The following IFNLR1 variants were observed in gnomAD, a reference collection of about 807,000 sequenced individuals.
IFNLR1 encodes CRF2-12.
IFNLR1 carries 28 observed loss-of-function variants against 52.5 expected under a neutral mutation model. The ratio of observed to expected loss-of-function variants is 0.53; its 90% CI spans 0.40 to 0.73. The LOEUF (loss-of-function observed/expected upper bound fraction) is 0.73, where lower values mean the gene tolerates loss of function less well. IFNLR1 is among the 30% of genes least tolerant of loss of function. IFNLR1 has a pLI of 0.00. For synonymous variants in IFNLR1, 276 were observed against 274.9 expected, an observed-to-expected ratio of 1.00 and a Z score of -0.04; for missense variants, 623 against 659.1, an observed-to-expected ratio of 0.95 and a Z score of 0.60.
chr1:24,183,355 T>C (rs72650423), intron 1 of IFNLR1, among the ~76,000 whole-genome samples: 9,844 of 152,036 alleles, frequency 0.065, 453 homozygotes, highest in Non-Finnish European at 0.095. Flanking sequence ...CCCAGCACTT[T>C]GGGACATCGA....
At chr1:24,168,195 A>C (rs1644539003) in intron 3 of IFNLR1, among the ~76,000 whole-genome samples, 1 of 148,876 alleles carries the variant, frequency 6.7e-6, no homozygotes, top group Admixed American at 6.7e-5. Context: ...CTTTCTTCTT[A>C]CCCATCTGTC....
At chr1:24,185,109 C>A (rs1440553399) in intron 1 of IFNLR1, among the ~76,000 whole-genome samples, 5 of 152,124 alleles carry the variant, frequency 3.3e-5, no homozygotes, top group African/African-American at 4.8e-5. Context: ...AGTTTACCTG[C>A]ACTTTCTCTT....
chr1:24,183,363 C>A (rs564645914), intron 1 of IFNLR1, among the ~76,000 whole-genome samples: 4 of 151,628 alleles, frequency 2.6e-5, no homozygotes, highest in African/African-American at 4.8e-5. Context: ...TTTGGGACAT[C>A]GAGGCAGGAG....
chr1:24,161,154 G>A (rs1173941535), intron 4 of IFNLR1, among the ~76,000 whole-genome samples: 2 of 152,112 alleles, frequency 1.3e-5, no homozygotes, highest in Admixed American at 1.3e-4. Context: ...CAAACATATC[G>A]ACTATCTGGC....
At chr1:24,173,956 CT>C (rs1280620506) in intron 2 of IFNLR1, among the ~76,000 whole-genome samples, 2 of 152,122 alleles carry the variant, frequency 1.3e-5, no homozygotes, top group Non-Finnish European at 2.9e-5. Context: ...CATAATAGCC[CT>C]ATTATGGACG....
intron 2 of IFNLR1, among the ~76,000 whole-genome samples, chr1:24,177,163 C>G (rs919433680): frequency 2.0e-5 from 3 of 152,000 alleles, no homozygotes; most frequent in Non-Finnish European, 4.4e-5. Flanking sequence ...AAGCAACAAC[C>G]CTTTATTAGT....
intron 3 of IFNLR1, among the ~76,000 whole-genome samples, chr1:24,163,704 C>T (rs568935541): frequency 6.6e-6 from 1 of 152,112 alleles, no homozygotes; most frequent in Non-Finnish European, 1.5e-5. Context: ...CTCAGCCTCC[C>T]GAGTAGCTGG....
chr1:24,176,727 GTAGA>G (rs1358680720), intron 2 of IFNLR1, among the ~76,000 whole-genome samples: 1 of 152,222 alleles, frequency 6.6e-6, no homozygotes, highest in Non-Finnish European at 1.5e-5. Context: ...GAGCAGAATA[GTAGA>G]TAGATAGACA....
chr1:24,179,398 T>C (rs1442453170), intron 2 of IFNLR1, among the ~76,000 whole-genome samples: 1 of 152,190 alleles, frequency 6.6e-6, no homozygotes, highest in East Asian at 1.9e-4. Flanking sequence ...AGAGCTGCTG[T>C]GAGATTAAGT....
At position 24,165,892 on chromosome 1, in the gene IFNLR1, C is replaced by T. The variant is rs543611977; in HGVS notation, c.367+3525G>A. 5.3e-5 allele frequency among the ~76,000 whole-genome samples: 8 copies of T among 152,144 alleles called. 1 individual carries two copies. In the South Asian group the frequency reaches 1.7e-3, roughly 32 times the overall value. On this transcript the variant is annotated intron_variant, in intron 3 of 6. Coordinates refer to ENST00000327535, the MANE Select transcript of IFNLR1 (RefSeq NM_170743.4). ...GAAAGTTTGGGGTAAATGAAATATGCAAACTACCAAAAGAAAGTGACCACG... is the reference window on the plus strand; with the variant it reads ...GAAAGTTTGGGGTAAATGAAATATGTAAACTACCAAAAGAAAGTGACCACG...
At chr1:24,164,807 G>A (rs530084311) in intron 3 of IFNLR1, among the ~76,000 whole-genome samples, 153 of 148,352 alleles carry the variant, frequency 1.0e-3, no homozygotes, top group Non-Finnish European at 1.8e-3. Flanking sequence ...CACCCACCCA[G>A]GCTGGAGTGC....
At chr1:24,186,301 C>T (rs969501165) in intron 1 of IFNLR1, among the ~76,000 whole-genome samples, 3 of 152,142 alleles carry the variant, frequency 2.0e-5, no homozygotes, top group East Asian at 3.9e-4. Flanking sequence ...CTTCTGTGTG[C>T]CTCACCTCTG....
chr1:24,173,883 C>T (rs1644606505), intron 2 of IFNLR1, among the ~76,000 whole-genome samples: 4 of 152,164 alleles, frequency 2.6e-5, no homozygotes, highest in African/African-American at 9.6e-5. Flanking sequence ...AGATCTTTAT[C>T]TAAGAGAAAT....
chr1:24,159,319 G>A, intron 5 of IFNLR1, 137 bp from the exon 6 acceptor site: 1 of 1,314,822 alleles, frequency 7.6e-7, no homozygotes, highest in Non-Finnish European at 1.1e-6. Context: ...TGCAAACCAA[G>A]GTTTGGGGCA....
chr1:24,187,206 G>A lies in IFNLR1; in HGVS notation c.43C>T (p.Leu15=). 7.5e-7 allele frequency: 1 copy of A among 1,331,162 alleles called. No homozygotes were observed. Among genetic ancestry groups the A allele is most frequent in the South Asian group, 1.9e-5 (1 of 52,702 alleles). 82.5% of individuals were successfully genotyped at this position (1,331,162 alleles called of 1,614,324 possible). ...ERWGPLLLCL[L]QAAPGRPRLA... is the part of the protein sequence containing the mutation. ...GCGCCCTTACCTGGAGCGGCCTGCA[G>A]CAGGCACAGGAGCAGGGGGCCCCAG... The change falls in exon 1 of 7, where the codon CTG becomes TTG. Residue 15 remains leucine, a synonymous_variant. Coordinates refer to ENST00000327535, the MANE Select transcript of IFNLR1 (RefSeq NM_170743.4).
At chr1:24,168,358 G>A (rs1158830394) in intron 3 of IFNLR1, among the ~76,000 whole-genome samples, 5 of 152,012 alleles carry the variant, frequency 3.3e-5, no homozygotes, top group East Asian at 1.9e-4. Context: ...TGAGAAGCCC[G>A]GGCAGCAAGT....
intron 2 of IFNLR1, among the ~76,000 whole-genome samples, chr1:24,172,203 C>T (rs776337372): frequency 2.4e-4 from 36 of 152,002 alleles, no homozygotes; most frequent in African/African-American, 7.7e-4. Flanking sequence ...CAAATGAAAA[C>T]GTATAAGACA....
rs373730727 is a variant in IFNLR1, at chr1:24,161,676, C to T, written c.376G>A (p.Ala126Thr). 2 of 1,502,646 alleles carry T rather than the reference C, an allele frequency of 1.3e-6. No individual in the cohort carries two copies. Among genetic ancestry groups the T allele is most frequent in the Middle Eastern group, 1.8e-4 (1 of 5,434 alleles). 93.1% of individuals were successfully genotyped at this position (1,502,646 alleles called of 1,614,324 possible). The change falls in exon 4 of 7, where the codon GCC becomes ACC. Residue 126 changes from alanine (A) to threonine (T), a missense_variant. Ala to Thr is a moderately conservative substitution (Grantham distance 58). Transcript: ENST00000327535. ...TGGGTGAGCACCAGGACAGGTGGGG[C>T]CGGCTCCACTGCAGAAACAGAGCAG... ...YLDYLFEVEP[A>T]PPVLVLTQTE...
rs60217046 is a variant in IFNLR1, at chr1:24,182,199, C to CA, written c.59-1346dup. On this transcript the variant is annotated intron_variant, in intron 1 of 6. Transcript: ENST00000327535. ...TGGGCAACAGGGCGAGACTCCATTC[C>CA]AAAAAAAAAAAAAAAAAAGTGTTCC... 2.9e-3 allele frequency among the ~76,000 whole-genome samples: 388 copies of CA among 132,942 alleles called. 1 individual carries two copies. Among genetic ancestry groups the CA allele is most frequent in the African/African-American group, 7.9e-3 (284 of 36,070 alleles). The allele number at this position is 132,942 out of a possible 152,430, so 87.2% of individuals were successfully genotyped here. A position where few individuals can be genotyped will look rare whatever the true frequency, so the allele number is the denominator to read the frequency against.
Sources: allele counts gnomAD v4.1 joint callset (sites outside exome capture counted in the v4.1 genomes callset), GRCh38; gene constraint gnomAD v4.1.1; transcripts MANE v1.5; gene names NCBI Gene and HGNC (gene_info 2026-07-23, HGNC 2026-07-21).